Variants in MMS19 observed in about 807,000 individuals in gnomAD.
The protein encoded by MMS19 is MMS19 nucleotide excision repair protein homolog.
MMS19 carries 77 observed loss-of-function variants against 129.8 expected under a neutral mutation model. That is an observed-to-expected ratio of 0.59 (90% confidence interval 0.49 to 0.72). The LOEUF (loss-of-function observed/expected upper bound fraction) is 0.72. MMS19 is among the 30% of genes least tolerant of loss of function. The pLI, the probability that MMS19 is intolerant of heterozygous loss-of-function variation, is 0.00. For synonymous variants in MMS19, 491 were observed against 502.8 expected, an observed-to-expected ratio of 0.98 and a Z score of 0.31; for missense variants, 1,168 against 1,266.3, an observed-to-expected ratio of 0.92 and a Z score of 1.18.
chr10:97,459,980 C>G lies in MMS19; in HGVS notation c.2656+66G>C, dbSNP rs1248163037. The G allele has an allele frequency of 3.9e-6, 6 of 1,532,514 alleles. No individual in the cohort carries two copies. The Admixed American group carries it at 1.1e-4, about 27-fold the overall frequency. 94.9% of individuals were successfully genotyped at this position (1,532,514 alleles called of 1,614,324 possible). ...AAGAAGCAAGCGGGCCCTAAATTAT[C>G]TTAGGGAATGTGGCCAAGCAAAGGA... On this transcript the variant is annotated intron_variant, in intron 26 of 30. Coordinates refer to ENST00000438925, the MANE Select transcript of MMS19 (RefSeq NM_022362.5).
At chr10:97,460,578 G>GA in intron 25 of MMS19, 117 bp downstream of exon 25, 2 of 918,970 alleles carry the variant, frequency 2.2e-6, no homozygotes, top group Non-Finnish European at 3.4e-6. Flanking sequence ...TCTCCAAAAA[G>GA]AAAAAAGAAA....
At chr10:97,474,051 G>A (rs533164835) in intron 8 of MMS19, among the ~76,000 whole-genome samples, 2 of 151,750 alleles carry the variant, frequency 1.3e-5, no homozygotes, top group African/African-American at 4.8e-5. Flanking sequence ...GGCAGGGGTG[G>A]GAGGATCACC....
At position 97,489,824 on chromosome 10, in the gene MMS19, G is replaced by T. The variant is rs141910398; in HGVS notation, c.113-5673C>A. Reference sequence around the variant, plus strand: ...TCCCTCATGTTTAGACTGGGGTTATGGGTTTTAAAAAAGAATATCACAGAG... The same window carrying T: ...TCCCTCATGTTTAGACTGGGGTTATTGGTTTTAAAAAAGAATATCACAGAG... On this transcript the variant is annotated intron_variant, in intron 1 of 30. Coordinates refer to ENST00000438925, the MANE Select transcript of MMS19 (RefSeq NM_022362.5). Among the ~76,000 whole-genome samples, 123 of 152,268 alleles carry T rather than the reference G, an allele frequency of 8.1e-4. 2 individuals are homozygous for T. The East Asian group carries it at 0.022, about 27-fold the overall frequency.
intron 1 of MMS19, among the ~76,000 whole-genome samples, chr10:97,488,842 G>A (rs1183110487): frequency 3.3e-5 from 5 of 152,154 alleles, no homozygotes; most frequent in African/African-American, 7.2e-5. Context: ...AGCATTATTC[G>A]TAACAGTAAA....
At chr10:97,483,384 A>T (rs762786548) in intron 2 of MMS19, among the ~76,000 whole-genome samples, 96 of 152,114 alleles carry the variant, frequency 6.3e-4, no homozygotes, top group Non-Finnish European at 6.9e-4. Flanking sequence ...TAATGGACCA[A>T]GGCCACCACA....
intron 8 of MMS19, among the ~76,000 whole-genome samples, chr10:97,471,694 A>C (rs2034737046): frequency 6.6e-6 from 1 of 152,054 alleles, no homozygotes; most frequent in African/African-American, 2.4e-5. Context: ...TATTTTTTGT[A>C]GACATGGGGT....
intron 17 of MMS19, 24 bp from the exon 18 acceptor site, chr10:97,465,978 G>T: frequency 6.2e-7 from 1 of 1,613,390 alleles, no homozygotes; most frequent in Non-Finnish European, 8.5e-7. Flanking sequence ...ATGAGACAAA[G>T]GTTTACTGTG....
At chr10:97,488,330 T>C (rs1361514753) in intron 1 of MMS19, among the ~76,000 whole-genome samples, 2 of 152,190 alleles carry the variant, frequency 1.3e-5, no homozygotes, top group East Asian at 1.9e-4. Flanking sequence ...TTCTTAAACA[T>C]TGTAGGTAGG....
chr10:97,483,316 A>G lies in MMS19; in HGVS notation c.161+787T>C, dbSNP rs29001273. Among the ~76,000 whole-genome samples, 257 of 152,188 alleles carry G rather than the reference A, an allele frequency of 1.7e-3. 2 individuals carry two copies. Among genetic ancestry groups the G allele is most frequent in the African/African-American group, 5.9e-3 (246 of 41,526 alleles). Reference sequence around the variant, plus strand: ...CAATCCACCTTCTTCGGCCTCTCAAAGTGCTGGGATCACAGGTATGAGCCA... The same window carrying G: ...CAATCCACCTTCTTCGGCCTCTCAAGGTGCTGGGATCACAGGTATGAGCCA... On this transcript the variant is annotated intron_variant, in intron 2 of 30. Coordinates refer to ENST00000438925, the MANE Select transcript of MMS19 (RefSeq NM_022362.5).
At chr10:97,460,382 G>A (rs1263776984) in intron 25 of MMS19, 150 bp from the exon 26 acceptor site, 3 of 701,780 alleles carry the variant, frequency 4.3e-6, no homozygotes, top group Non-Finnish European at 7.0e-6. Context: ...AGGAGTCTGG[G>A]CAACATGGCC....
chr10:97,466,884 C>T lies in MMS19; in HGVS notation c.1315G>A (p.Gly439Ser). 1 of 1,613,946 alleles carries T rather than the reference C, an allele frequency of 6.2e-7. No individual in the cohort carries two copies. The highest frequency in any genetic ancestry group is 2.2e-5 in the East Asian group (1 of 44,882). ...AGTGAGCACAGCTGGTCCTTGAAGC[C>T]ATTCAGAGGCCTTTGATCTAGGGAA... ...YEDKDQRPLN[G>S]FKDQLCSLVF... The change falls in exon 15 of 31, where the codon GGC (glycine) becomes AGC (serine). Residue 439 changes from glycine (G) to serine (S), a missense_variant. Gly to Ser is a moderately conservative substitution (Grantham distance 56). Around this residue, in one of 3 missense-constraint regions of MMS19, gnomAD observed 831 missense variants for 910.8 expected, o/e 0.91. Coordinates refer to ENST00000438925, the MANE Select transcript of MMS19 (RefSeq NM_022362.5).
rs775545794 is a variant in MMS19, at chr10:97,461,911, G to A, written c.2116-15C>T. ...GAGGAGCCATCCTATAAAGGAAGGAGAGCCCGATCAAGCCTGCCAGCAATA... is the reference window on the plus strand; with the variant it reads ...GAGGAGCCATCCTATAAAGGAAGGAAAGCCCGATCAAGCCTGCCAGCAATA... On this transcript the variant is annotated splice_polypyrimidine_tract_variant and intron_variant, in intron 21 of 30. Coordinates refer to ENST00000438925, the MANE Select transcript of MMS19 (RefSeq NM_022362.5). The A allele has an allele frequency of 5.0e-6, 8 of 1,597,770 alleles. No individual in the cohort carries two copies. Among genetic ancestry groups the A allele is most frequent in the Non-Finnish European group, 3.4e-6 (4 of 1,172,320 alleles).
At chr10:97,495,545 C>G (rs11189238) in intron 1 of MMS19, among the ~76,000 whole-genome samples, 9 of 152,094 alleles carry the variant, frequency 5.9e-5, no homozygotes, top group African/African-American at 2.2e-4. Context: ...CGCTTCAACA[C>G]TCTGTTATCC....
intron 18 of MMS19, among the ~76,000 whole-genome samples, chr10:97,465,495 G>A (rs2033260072): frequency 6.6e-6 from 1 of 152,106 alleles, no homozygotes; most frequent in African/African-American, 2.4e-5. Context: ...AGTAGAGACT[G>A]GGTTTCTCCA....
At chr10:97,475,503 G>A (rs1359968097) in intron 8 of MMS19, among the ~76,000 whole-genome samples, 4 of 152,210 alleles carry the variant, frequency 2.6e-5, no homozygotes, top group African/African-American at 7.2e-5. Flanking sequence ...TTGGGAGGCC[G>A]AGGCAGTTGG....
chr10:97,461,053 C>T lies in MMS19; in HGVS notation c.2312-46G>A, dbSNP rs569855976. On this transcript the variant is annotated intron_variant, in intron 23 of 30. Transcript: ENST00000438925. The stretch of plus-strand genomic sequence containing the variant: ...GCTGACATAAAGGCTACACATTTTC[C>T]CTTTAGCAATGAAATGCAAATCACT... 2.1e-6 allele frequency: 3 copies of T among 1,440,554 alleles called. No homozygotes were observed. In the South Asian group the frequency reaches 3.8e-5, roughly 18 times the overall value. 89.2% of individuals were successfully genotyped at this position (1,440,554 alleles called of 1,614,324 possible).
chr10:97,465,694 TAAAAGAG>T, intron 18 of MMS19, 104 bp downstream of exon 18: 3 of 1,131,448 alleles, frequency 2.7e-6, no homozygotes, highest in Non-Finnish European at 3.8e-6. Flanking sequence ...TTTTTTCTTT[TAAAAGAG>T]TTGATTCTGT....
chr10:97,488,013 C>T lies in MMS19; in HGVS notation c.113-3862G>A, dbSNP rs138423515. ...CTGAGGGACAAGAATCACTTGATTC[C>T]GGGAGGCAGAGGTTGCAGTGAGCCG... is the stretch of plus-strand genomic sequence containing the variant. On this transcript the variant is annotated intron_variant, in intron 1 of 30. Coordinates refer to ENST00000438925, the MANE Select transcript of MMS19 (RefSeq NM_022362.5). 2.6e-3 allele frequency among the ~76,000 whole-genome samples: 399 copies of T among 152,096 alleles called. 2 individuals are homozygous for T. Among genetic ancestry groups the T allele is most frequent in the African/African-American group, 8.7e-3 (362 of 41,490 alleles).
chr10:97,464,247 C>T (rs1333625070), intron 18 of MMS19, among the ~76,000 whole-genome samples: 3 of 152,188 alleles, frequency 2.0e-5, no homozygotes, highest in African/African-American at 7.2e-5. Flanking sequence ...ATATTCTCTC[C>T]TTATTTTTCA....
Sources: gnomAD v4.1 joint callset for allele counts (sites outside exome capture counted in the v4.1 genomes callset) on GRCh38, gnomAD v4.1.1 for gene constraint, gnomAD v4.1.1 regional missense constraint, MANE v1.5 for transcripts, NCBI Gene and HGNC (gene_info 2026-07-23, HGNC 2026-07-21) for gene names.